The following SLC41A2 variants were observed in gnomAD, a reference collection of about 807,000 sequenced individuals.
SLC41A2 encodes the protein solute carrier family 41 member 2.
Under a neutral mutation model 58.3 loss-of-function variants are expected in SLC41A2, and 32 were observed. The observed-to-expected ratio is 0.55, with a 90% CI of 0.41 to 0.74. The LOEUF (loss-of-function observed/expected upper bound fraction) is 0.74. Among genes scored for constraint, SLC41A2 ranks in the 30% least tolerant of loss-of-function variants. The pLI is 0.00. For synonymous variants in SLC41A2, 190 were observed against 235.0 expected (o/e 0.81, Z 1.75); for missense variants, 514 against 680.6 (o/e 0.76, Z 2.72).
Position 104,928,044 on chromosome 12 carries a change from G to A in SLC41A2, c.484C>T (p.Gln162Ter). Residue 162 changes from glutamine to a stop codon, truncating the protein, a stop_gained, in exon 2 of 11, where the codon CAA becomes TAA. Coordinates refer to ENST00000258538, the MANE Select transcript of SLC41A2 (RefSeq NM_001352171.3). LOFTEE classifies it high-confidence loss of function. ...PKESSGIMALQILVPFLLAGF... is the reference protein window; with the variant it reads ...PKESSGIMAL ...GCTAGCAAAAAGGGCACAAGTATTT[G>A]CAATGCCATGATGCCACTGGATTCC... The A allele has an allele frequency of 6.2e-7, 1 of 1,614,108 alleles. No homozygotes were observed. The highest frequency in any genetic ancestry group is 8.5e-7 in the Non-Finnish European group (1 of 1,179,968).
chr12:104,900,105 G>A (rs2045488559), intron 3 of SLC41A2, among the ~76,000 whole-genome samples: 1 of 152,062 alleles, frequency 6.6e-6, no homozygotes, highest in Non-Finnish European at 1.5e-5. Context: ...TCAGTTTTCT[G>A]CCATATGAGA....
chr12:104,901,279 AG>A (rs1443177659), intron 3 of SLC41A2, among the ~76,000 whole-genome samples: 1 of 152,060 alleles, frequency 6.6e-6, no homozygotes. Context: ...AGAAAATTTT[AG>A]ACCTCAAACA....
chr12:104,808,505 T>G (rs1030238383), intron 10 of SLC41A2, among the ~76,000 whole-genome samples: 2 of 151,978 alleles, frequency 1.3e-5, no homozygotes, highest in Admixed American at 1.3e-4. Context: ...CGATGTTCAT[T>G]AGGGATATTG....
intron 1 of SLC41A2, among the ~76,000 whole-genome samples, chr12:104,955,413 T>G (rs1265051479): frequency 1.3e-5 from 2 of 152,188 alleles, no homozygotes; most frequent in Non-Finnish European, 2.9e-5. Context: ...CTGATCACTC[T>G]GGCCTGTCTT....
intron 1 of SLC41A2, among the ~76,000 whole-genome samples, chr12:104,955,631 T>C (rs1293213480): frequency 6.7e-6 from 1 of 148,760 alleles, no homozygotes; most frequent in African/African-American, 2.5e-5. Flanking sequence ...TGGTCCTGAA[T>C]AGACTTTTTT....
At chr12:104,828,550 T>G (rs890968039) in intron 10 of SLC41A2, among the ~76,000 whole-genome samples, 3 of 152,126 alleles carry the variant, frequency 2.0e-5, no homozygotes, top group African/African-American at 7.2e-5. Context: ...CCCTAGACAC[T>G]GCTGTGGGTT....
chr12:104,885,958 G>A (rs1053839783), intron 6 of SLC41A2, among the ~76,000 whole-genome samples: 3 of 152,044 alleles, frequency 2.0e-5, no homozygotes, highest in African/African-American at 7.2e-5. Context: ...TACAGGAAAG[G>A]ACAGAAATCA....
At chr12:104,825,274 G>C (rs2041798286) in intron 10 of SLC41A2, among the ~76,000 whole-genome samples, 1 of 152,122 alleles carries the variant, frequency 6.6e-6, no homozygotes, top group Non-Finnish European at 1.5e-5. Flanking sequence ...TCAGGCACCT[G>C]GGCATGCCTG....
intron 2 of SLC41A2, among the ~76,000 whole-genome samples, chr12:104,921,421 G>A (rs746019212): frequency 2.6e-5 from 4 of 151,850 alleles, no homozygotes; most frequent in Non-Finnish European, 5.9e-5. Flanking sequence ...CAGGTCATCT[G>A]GCAACAGACT....
chr12:104,938,779 A>C (rs571827664), intron 1 of SLC41A2, among the ~76,000 whole-genome samples: 2 of 152,252 alleles, frequency 1.3e-5, no homozygotes, highest in South Asian at 4.2e-4. Context: ...AACAAAAGCT[A>C]ACTTAAAAAG....
At chr12:104,929,376 A>C (rs971000371) in intron 1 of SLC41A2, among the ~76,000 whole-genome samples, 9 of 152,242 alleles carry the variant, frequency 5.9e-5, no homozygotes, top group African/African-American at 2.2e-4. Flanking sequence ...AAGAAATTAC[A>C]AATATTCACT....
intron 10 of SLC41A2, among the ~76,000 whole-genome samples, chr12:104,823,938 T>C (rs1379499198): frequency 6.6e-6 from 1 of 152,210 alleles, no homozygotes; most frequent in Non-Finnish European, 1.5e-5. Context: ...AAAAAATAAC[T>C]ACATGAGATG....
intron 8 of SLC41A2, among the ~76,000 whole-genome samples, chr12:104,847,781 CTG>C (rs2042660517): frequency 1.3e-5 from 2 of 152,068 alleles, no homozygotes; most frequent in African/African-American, 4.8e-5. Context: ...TGGAAACAGA[CTG>C]TAAGCGAAAT....
intron 1 of SLC41A2, among the ~76,000 whole-genome samples, chr12:104,950,723 CAAT>C (rs2047920429): frequency 6.6e-6 from 1 of 152,092 alleles, no homozygotes; most frequent in Non-Finnish European, 1.5e-5. Flanking sequence ...TGTGAAATCC[CAAT>C]ATATAAAACA....
intron 10 of SLC41A2, among the ~76,000 whole-genome samples, chr12:104,822,206 T>A (rs1334387376): frequency 1.3e-5 from 2 of 152,232 alleles, no homozygotes; most frequent in Admixed American, 1.3e-4. Context: ...TTCTACTATA[T>A]GCTAAGTATA....
intron 2 of SLC41A2, among the ~76,000 whole-genome samples, chr12:104,920,020 T>C (rs2046518361): frequency 1.3e-5 from 2 of 152,242 alleles, no homozygotes; most frequent in South Asian, 4.1e-4. Context: ...TCAAATTTAT[T>C]TGTTTGCCTA....
chr12:104,807,162 T>C (rs1246794726), intron 10 of SLC41A2, among the ~76,000 whole-genome samples: 1 of 152,216 alleles, frequency 6.6e-6, no homozygotes, highest in Non-Finnish European at 1.5e-5. Flanking sequence ...CTGAATGGTA[T>C]TGCCTAGGTT....
intron 5 of SLC41A2, among the ~76,000 whole-genome samples, chr12:104,888,453 G>C (rs1368706542): frequency 6.6e-6 from 1 of 152,032 alleles, no homozygotes; most frequent in Non-Finnish European, 1.5e-5. Context: ...CTAGTGTAAA[G>C]TTCATACGAA....
chr12:104,874,111 T>C (rs976870323), intron 6 of SLC41A2, among the ~76,000 whole-genome samples: 7 of 149,754 alleles, frequency 4.7e-5, no homozygotes, highest in Non-Finnish European at 8.9e-5. Flanking sequence ...TCTTGCTCAG[T>C]TGCCCAGGCT....
Sources: allele counts gnomAD v4.1 joint callset (sites outside exome capture counted in the v4.1 genomes callset), GRCh38; gene constraint gnomAD v4.1.1; transcripts MANE v1.5; gene names NCBI Gene and HGNC (gene_info 2026-07-23, HGNC 2026-07-21).